OGT: variants seen among roughly 807,000 people sequenced by gnomAD.
OGT encodes UDP-N-acetylglucosamine--peptide N-acetylglucosaminyltransferase 110 kDa subunit.
Under a neutral mutation model 75.8 loss-of-function variants are expected in OGT, and 3 were observed. That is an observed-to-expected ratio of 0.04 (90% confidence interval 0.02 to 0.10). OGT has a LOEUF of 0.10. Among genes scored for constraint, OGT ranks in the 10% least tolerant of loss-of-function variants. OGT has a pLI of 1.00. For missense variants in OGT, 260 were observed against 824.4 expected, an observed-to-expected ratio of 0.32 and a Z score of 8.38; for synonymous variants, 257 against 289.7, an observed-to-expected ratio of 0.89 and a Z score of 1.15.
In OGT at chrX:71,573,833, C is replaced by G. The variant is rs1404929520; in HGVS notation, c.*39C>G. The G allele has an allele frequency of 6.6e-6, 7 of 1,062,976 alleles. No individual in the cohort carries two copies. The highest frequency in any genetic ancestry group is 2.5e-4 in the Middle Eastern group (1 of 3,966). The allele number at this position is 1,062,976 out of a possible 1,213,427, so 87.6% of individuals were successfully genotyped here. ...AGGAGAATTACCCCTATACCTGAGC[C>G]TCAACCTTCTGGGGGAAAGGGAACT... is the stretch of plus-strand genomic sequence containing the variant. On this transcript the variant is annotated 3_prime_UTR_variant, in exon 22 of 22. Transcript: ENST00000373719.
intron 4 of OGT, chrX:71,546,190 T>G (rs1390817996): frequency 2.7e-6 from 2 of 752,878 alleles, no homozygotes; most frequent in African/African-American, 4.6e-5. Context: ...CTCTCCCTTC[T>G]GCATGTTTCC....
intron 2 of OGT, 124 bp downstream of exon 2, chrX:71,536,482 C>T (rs2040176408): frequency 4.0e-6 from 2 of 502,826 alleles, no homozygotes; most frequent in African/African-American, 2.4e-5. Context: ...CGCCAACGCA[C>T]ATCTGCTCTC....
At chrX:71,565,308 C>T (rs371352496) in intron 19 of OGT, among the ~76,000 whole-genome samples, 2 of 111,702 alleles carry the variant, frequency 1.8e-5, no homozygotes, top group African/African-American at 3.3e-5. Flanking sequence ...CTCATGGCAA[C>T]CTTTGCATCC....
At chrX:71,555,806 G>T in intron 7 of OGT, 148 bp from the exon 8 acceptor site, 1 of 603,563 alleles carries the variant, frequency 1.7e-6, no homozygotes. Flanking sequence ...GTTTACTTTA[G>T]AGTTTTGGTT....
chrX:71,552,796 T>C (rs1481006079), intron 5 of OGT, among the ~76,000 whole-genome samples: 1 of 109,607 alleles, frequency 9.1e-6, no homozygotes, highest in Non-Finnish European at 1.9e-5. Flanking sequence ...GTCCCTGAGA[T>C]ACATATTGAA....
chrX:71,564,784 A>G (rs751454365), intron 19 of OGT, 31 bp downstream of exon 19: 15 of 1,069,349 alleles, frequency 1.4e-5, no homozygotes, highest in Non-Finnish European at 1.3e-6. Context: ...GAGACTAATA[A>G]AGATTTTGTA....
chrX:71,558,940 ATT>A (rs1225555559), intron 12 of OGT, among the ~76,000 whole-genome samples: 4 of 83,502 alleles, frequency 4.8e-5, no homozygotes, highest in Admixed American at 1.3e-4. Flanking sequence ...CGCCCAGCTA[ATT>A]TTTTTTTTTT....
chrX:71,555,755 A>G, intron 7 of OGT, 199 bp from the exon 8 acceptor site: 1 of 464,620 alleles, frequency 2.2e-6, no homozygotes, highest in African/African-American at 2.4e-5. Flanking sequence ...AAAACAGCAA[A>G]AAAGGAAAGT....
At chrX:71,565,175 A>T (rs1037406529) in intron 19 of OGT, among the ~76,000 whole-genome samples, 16 of 112,296 alleles carry the variant, frequency 1.4e-4, no homozygotes, top group Non-Finnish European at 2.3e-4. Flanking sequence ...AATTTTTTTT[A>T]AAAATACTTT....
intron 14 of OGT, among the ~76,000 whole-genome samples, chrX:71,560,728 G>A (rs1204147098): frequency 6.3e-5 from 7 of 111,345 alleles, no homozygotes; most frequent in African/African-American, 2.3e-4. Flanking sequence ...GGCCATTTTT[G>A]ATACACAGTT....
chrX:71,533,666 C>G (rs1276585652), intron 1 of OGT, among the ~76,000 whole-genome samples: 1 of 111,335 alleles, frequency 9.0e-6, no homozygotes, highest in Non-Finnish European at 1.9e-5. Flanking sequence ...ATTGGAATCC[C>G]TGCCCTTTCA....
At chrX:71,541,232 G>A (rs1330289720) in intron 3 of OGT, among the ~76,000 whole-genome samples, 2 of 112,090 alleles carry the variant, frequency 1.8e-5, no homozygotes, top group Non-Finnish European at 1.9e-5. Context: ...TGGCCATCAT[G>A]TGTGTTCCTG....
At chrX:71,561,744 A>G in intron 14 of OGT, 31 bp from the exon 15 acceptor site, 1 of 1,147,062 alleles carries the variant, frequency 8.7e-7, no homozygotes, top group South Asian at 2.0e-5. Context: ...CTGAGATTAT[A>G]CATAGTGAGT....
chrX:71,533,343 G>T lies in OGT; in HGVS notation c.37+7G>T. ...AACGTGGCCGACAGCACAGGTACCG[G>T]TGTCCCGTTCTACCTTGGCAGATGC... On this transcript the variant is annotated splice_region_variant and intron_variant, in intron 1 of 21. Coordinates refer to ENST00000373719, the MANE Select transcript of OGT (RefSeq NM_181672.3). The T allele has an allele frequency of 8.4e-7, 1 of 1,193,317 alleles. No individual in the cohort carries two copies. The highest frequency in any genetic ancestry group is 2.3e-4 in the Middle Eastern group (1 of 4,332).
intron 21 of OGT, among the ~76,000 whole-genome samples, chrX:71,573,393 T>C (rs1262648937): frequency 8.9e-6 from 1 of 112,239 alleles, no homozygotes; most frequent in Non-Finnish European, 1.9e-5. Flanking sequence ...TATACTTGTT[T>C]AGGAAAGAAC....
At chrX:71,546,019 CTT>C (rs2040257365) in intron 4 of OGT, 2 of 247,207 alleles carry the variant, frequency 8.1e-6, no homozygotes, top group Non-Finnish European at 1.1e-5. Flanking sequence ...AGAAAATACT[CTT>C]GAGTGAAATG....
intron 12 of OGT, 126 bp downstream of exon 12, chrX:71,557,798 CT>C (rs1363887961): frequency 3.6e-6 from 2 of 557,127 alleles, no homozygotes; most frequent in Non-Finnish European, 5.5e-6. Flanking sequence ...AGAAATAAAA[CT>C]TTTGTGGGCC....
At chrX:71,550,978 G>T (rs1021241366) in intron 5 of OGT, among the ~76,000 whole-genome samples, 1 of 111,251 alleles carries the variant, frequency 9.0e-6, no homozygotes, top group African/African-American at 3.3e-5. Flanking sequence ...GTGATCTGTA[G>T]TACTGCATGG....
intron 1 of OGT, among the ~76,000 whole-genome samples, chrX:71,533,664 C>T (rs1345599296): frequency 2.7e-5 from 3 of 111,282 alleles, no homozygotes; most frequent in African/African-American, 9.8e-5. Context: ...GCATTGGAAT[C>T]CCTGCCCTTT....
Sources: gnomAD v4.1 joint callset for allele counts (sites outside exome capture counted in the v4.1 genomes callset) on GRCh38, gnomAD v4.1.1 for gene constraint, MANE v1.5 for transcripts, NCBI Gene and HGNC (gene_info 2026-07-23, HGNC 2026-07-21) for gene names.